The following SLAMF1 variants were observed in gnomAD, a reference collection of about 807,000 sequenced individuals.
SLAMF1 encodes the protein signaling lymphocytic activation molecule family member 1.
A neutral mutation model predicts 35.1 loss-of-function variants in SLAMF1; 18 were observed. That is an observed-to-expected ratio of 0.51 (90% confidence interval 0.35 to 0.76). The LOEUF (loss-of-function observed/expected upper bound fraction) is 0.76. Among genes scored for constraint, SLAMF1 ranks in the 30% least tolerant of loss-of-function variants. The pLI is 0.01. For missense variants in SLAMF1, 392 were observed against 413.0 expected, an observed-to-expected ratio of 0.95 and a Z score of 0.44; for synonymous variants, 168 against 157.2, an observed-to-expected ratio of 1.07 and a Z score of -0.51.
Position 160,612,577 on chromosome 1 carries a change from G to C in SLAMF1, c.868C>G (p.Leu290Val). The C allele has an allele frequency of 6.2e-7, 1 of 1,602,078 alleles. No homozygotes were observed. Among genetic ancestry groups the C allele is most frequent in the South Asian group, 1.1e-5 (1 of 90,440 alleles). Residue 290 changes from leucine (L) to valine (V), a missense_variant, in exon 6 of 7, where the codon CTT becomes GTT. Coordinates refer to ENST00000302035, the MANE Select transcript of SLAMF1 (RefSeq NM_003037.5). ...IYAQVQKPGP[L>V]QKKLDSFPAQ... ...GGGAAGGAGTCAAGTTTCTTCTGAAGAGGCTACAAGAGAAGCAAAGAAAGC... is the reference window on the plus strand; with the variant it reads ...GGGAAGGAGTCAAGTTTCTTCTGAACAGGCTACAAGAGAAGCAAAGAAAGC...
At chr1:160,645,187 T>C (rs1660973670) in intron 1 of SLAMF1, among the ~76,000 whole-genome samples, 1 of 152,248 alleles carries the variant, frequency 6.6e-6, no homozygotes, top group Non-Finnish European at 1.5e-5. Flanking sequence ...GAAGTTGAGC[T>C]GAGTAGAAAT....
chr1:160,631,668 A>AAG (rs763080531), intron 3 of SLAMF1, among the ~76,000 whole-genome samples: 7 of 151,186 alleles, frequency 4.6e-5, no homozygotes, highest in Admixed American at 2.0e-4. Flanking sequence ...AGGAAAGAGA[A>AAG]AGAGAGAGAG....
rs377189894 is a variant in SLAMF1, at chr1:160,612,462, G to A, written c.957+26C>T. 4.9e-5 allele frequency: 73 copies of A among 1,474,960 alleles called. 1 individual carries two copies. In the South Asian group the frequency reaches 6.6e-4, roughly 13 times the overall value. 91.4% of individuals were successfully genotyped at this position (1,474,960 alleles called of 1,614,324 possible). ...CCTCCTTCATGTATTCCCTCTCTAC[G>A]GAGAGTAGGCAGAGAGATGCCTCAC... is the stretch of plus-strand genomic sequence containing the variant. On this transcript the variant is annotated intron_variant, in intron 6 of 6. Coordinates refer to ENST00000302035, the MANE Select transcript of SLAMF1 (RefSeq NM_003037.5).
intron 5 of SLAMF1, among the ~76,000 whole-genome samples, chr1:160,619,268 G>T (rs1370582825): frequency 6.6e-6 from 1 of 152,058 alleles, no homozygotes; most frequent in Non-Finnish European, 1.5e-5. Context: ...TCTTAGTCCA[G>T]TGATCACTCT....
intron 2 of SLAMF1, 73 bp downstream of exon 2, chr1:160,637,118 A>G: frequency 4.0e-6 from 4 of 1,001,612 alleles, no homozygotes; most frequent in Non-Finnish European, 6.3e-6. Context: ...TTTGCTTTTA[A>G]GAGAGACCTA....
rs1471861827 is a variant in SLAMF1 at position 160,610,493 on chromosome 1, G to A, written c.*255C>T. 7.5e-6 allele frequency: 4 copies of A among 533,822 alleles called. No individual in the cohort carries two copies. Among genetic ancestry groups the A allele is most frequent in the East Asian group, 7.3e-5 (2 of 27,550 alleles). 33.1% of individuals were successfully genotyped at this position (533,822 alleles called of 1,614,324 possible). ...TCCATTTCATCTGCTACAACACAAA[G>A]ATGGAACGCTGTTATCAAGTAACGC... On this transcript the variant is annotated 3_prime_UTR_variant, in exon 7 of 7. Transcript: ENST00000302035.
intron 4 of SLAMF1, among the ~76,000 whole-genome samples, chr1:160,622,107 T>G (rs1017168100): frequency 2.6e-5 from 4 of 152,062 alleles, no homozygotes; most frequent in Non-Finnish European, 5.9e-5. Flanking sequence ...TCCTAAATGG[T>G]CAGACAGATG....
chr1:160,614,670 G>T (rs1659197244), intron 5 of SLAMF1, among the ~76,000 whole-genome samples: 1 of 151,922 alleles, frequency 6.6e-6, no homozygotes, highest in Non-Finnish European at 1.5e-5. Context: ...CTGACCTAGA[G>T]GCAGAAGGAG....
rs991155079 is a variant in SLAMF1 at position 160,642,234 on chromosome 1, G to C, written c.76+4636C>G. Among the ~76,000 whole-genome samples the C allele has an allele frequency of 6.6e-6, 1 of 152,070 alleles. No individual in the cohort carries two copies. The highest frequency in any genetic ancestry group is 2.4e-5 in the African/African-American group (1 of 41,376). On this transcript the variant is annotated intron_variant, in intron 1 of 6. Transcript: ENST00000302035. The surrounding 1 kb of genome is among the most constrained non-coding windows in gnomAD (Gnocchi z 4.2). ...AGTCAAAGTCCTATTTTTATTATTTGGCACTGCTGGGTCTTTCTATCTTAG... is the reference window on the plus strand; with the variant it reads ...AGTCAAAGTCCTATTTTTATTATTTCGCACTGCTGGGTCTTTCTATCTTAG...
chr1:160,628,438 G>A (rs77555848), intron 3 of SLAMF1, among the ~76,000 whole-genome samples: 2,414 of 152,188 alleles, frequency 0.016, 25 homozygotes, highest in African/African-American at 0.027. Flanking sequence ...CATTTATTAA[G>A]GTACTATCAT....
chr1:160,620,942 T>C lies in SLAMF1; in HGVS notation c.791-1093A>G, dbSNP rs74470525. Reference sequence around the variant, plus strand: ...GACTACCATATTAGACAATGCAGTTTTGGATATTTGCTATACTTATATAGA... The same window carrying C: ...GACTACCATATTAGACAATGCAGTTCTGGATATTTGCTATACTTATATAGA... On this transcript the variant is annotated intron_variant, in intron 4 of 6. Coordinates refer to ENST00000302035, the MANE Select transcript of SLAMF1 (RefSeq NM_003037.5). Among the ~76,000 whole-genome samples, 1,446 of 152,346 alleles carry C rather than the reference T, an allele frequency of 9.5e-3. 18 individuals carry two copies. The highest frequency in any genetic ancestry group is 0.033 in the African/African-American group (1,385 of 41,572).
At chr1:160,641,840 C>G (rs147570910) in intron 1 of SLAMF1, among the ~76,000 whole-genome samples, 15 of 152,292 alleles carry the variant, frequency 9.8e-5, no homozygotes, top group Non-Finnish European at 1.6e-4. Flanking sequence ...CCCTTATTTA[C>G]TAAAAGAGTC....
intron 3 of SLAMF1, among the ~76,000 whole-genome samples, chr1:160,629,220 A>G (rs1503854): frequency 0.32 from 48,620 of 151,984 alleles, 8,139 homozygotes; most frequent in Middle Eastern, 0.45. Context: ...ATAACTTGGC[A>G]GACAGTCACA....
rs1553240257 is a variant in SLAMF1 at position 160,625,847 on chromosome 1, G to GTGTGTGTGTGTGTA, written c.701-1663_701-1662insTACACACACACACA. On this transcript the variant is annotated intron_variant, in intron 3 of 6. Coordinates refer to ENST00000302035, the MANE Select transcript of SLAMF1 (RefSeq NM_003037.5). ...GGAGTGTGTGTGTGTGTGTGTGTGT[G>GTGTGTGTGTGTGTA]TGTGTGTATGTGTGTATGTGTGTGT... Among the ~76,000 whole-genome samples, 53 of 148,240 alleles carry GTGTGTGTGTGTGTA rather than the reference G, an allele frequency of 3.6e-4. 1 individual carries two copies. Among genetic ancestry groups the GTGTGTGTGTGTGTA allele is most frequent in the African/African-American group, 1.3e-3 (51 of 39,568 alleles).
intron 5 of SLAMF1, among the ~76,000 whole-genome samples, chr1:160,618,946 G>C (rs1205275953): frequency 6.6e-6 from 1 of 152,048 alleles, no homozygotes; most frequent in African/African-American, 2.4e-5. Flanking sequence ...GGCCACTAGG[G>C]GACAGCAGAA....
chr1:160,624,250 G>A (rs1659765009), intron 3 of SLAMF1, 65 bp from the exon 4 acceptor site: 1 of 1,124,742 alleles, frequency 8.9e-7, no homozygotes, highest in Admixed American at 1.9e-5. Context: ...CATCTTACAT[G>A]AAAGTGGGAT....
At chr1:160,617,806 C>G (rs893388925) in intron 5 of SLAMF1, among the ~76,000 whole-genome samples, 1 of 152,128 alleles carries the variant, frequency 6.6e-6, no homozygotes, top group Non-Finnish European at 1.5e-5. Context: ...GGCACAGTGG[C>G]TCACATCTGT....
chr1:160,646,432 C>T (rs1661043460), intron 1 of SLAMF1, among the ~76,000 whole-genome samples: 1 of 152,208 alleles, frequency 6.6e-6, no homozygotes, highest in South Asian at 2.1e-4. Context: ...CCTGGTTTGT[C>T]AGCCTGCATG....
intron 5 of SLAMF1, 94 bp from the exon 6 acceptor site, chr1:160,612,674 G>C: frequency 1.4e-6 from 1 of 727,988 alleles, no homozygotes; most frequent in Non-Finnish European, 2.4e-6. Flanking sequence ...AAGAAGACTT[G>C]AGGCAGAAAG....
Sources: gnomAD v4.1 joint callset for allele counts (sites outside exome capture counted in the v4.1 genomes callset) on GRCh38, gnomAD v4.1.1 for gene constraint, Gnocchi (gnomAD v3.1) non-coding constraint, MANE v1.5 for transcripts, NCBI Gene and HGNC (gene_info 2026-07-23, HGNC 2026-07-21) for gene names.